RBFOX1: variants seen among roughly 807,000 people sequenced by gnomAD.
RBFOX1 encodes RNA binding protein fox-1 homolog 1.
Under a neutral mutation model 57.7 loss-of-function variants are expected in RBFOX1, and 8 were observed. The observed-to-expected ratio is 0.14, with a 90% confidence interval of 0.08 to 0.25. RBFOX1 has a LOEUF of 0.25. Among genes scored for constraint, RBFOX1 ranks in the 10% least tolerant of loss-of-function variants. The pLI is 1.00. For missense variants in RBFOX1, 611 were observed against 548.5 expected (o/e 1.11, Z -1.14); for synonymous variants, 326 against 222.4 (o/e 1.47, Z -4.15).
intron 4 of RBFOX1, among the ~76,000 whole-genome samples, chr16:7,187,840 C>T (rs1326975623): frequency 6.6e-6 from 1 of 151,026 alleles, no homozygotes; most frequent in Admixed American, 6.6e-5. Flanking sequence ...AAATTTCTGA[C>T]ATAGAAAATT....
chr16:6,756,848 A>G lies in RBFOX1; in HGVS notation c.-16+102198A>G, dbSNP rs139889625. 4.4e-4 allele frequency among the ~76,000 whole-genome samples: 67 copies of G among 151,964 alleles called. 2 individuals are homozygous for G. Among genetic ancestry groups the G allele is most frequent in the African/African-American group, 1.5e-3 (64 of 41,448 alleles). On this transcript the variant is annotated intron_variant, in intron 3 of 15. Coordinates refer to ENST00000550418, the MANE Select transcript of RBFOX1 (RefSeq NM_018723.4). ...AAATTAGCCAGGCGTGGTGGCAGAC[A>G]CCTGTAGTCACAGCTCCTTGGGAGG...
chr16:5,785,288 C>T (rs1048874095), intron 3 of RBFOX1, among the ~76,000 whole-genome samples: 5 of 152,096 alleles, frequency 3.3e-5, no homozygotes, highest in Non-Finnish European at 7.3e-5. Context: ...TGTGGCAGGA[C>T]ATTTACCAAA....
At chr16:6,382,848 A>G (rs2091939133) in intron 2 of RBFOX1, among the ~76,000 whole-genome samples, 1 of 152,210 alleles carries the variant, frequency 6.6e-6, no homozygotes, top group Non-Finnish European at 1.5e-5. Context: ...CAACAGAGTG[A>G]GACTCTGTCT....
chr16:6,206,988 T>A (rs1171235955), intron 1 of RBFOX1, among the ~76,000 whole-genome samples: 1 of 151,368 alleles, frequency 6.6e-6, no homozygotes, highest in Non-Finnish European at 1.5e-5. Context: ...GAAAGCTACT[T>A]TTTTTTTTTT....
intron 2 of RBFOX1, among the ~76,000 whole-genome samples, chr16:6,579,874 C>T (rs968410984): frequency 4.5e-4 from 69 of 152,278 alleles, no homozygotes; most frequent in African/African-American, 1.6e-3. Flanking sequence ...GTGTGAGCCA[C>T]TGCCGCCAGC....
chr16:7,241,018 C>A (rs946694544), intron 4 of RBFOX1, among the ~76,000 whole-genome samples: 1 of 152,186 alleles, frequency 6.6e-6, no homozygotes, highest in African/African-American at 2.4e-5. Flanking sequence ...AATATCTGTT[C>A]TGGCTATCGT....
chr16:7,418,408 G>A lies in RBFOX1; in HGVS notation c.28-99739G>A, dbSNP rs551414038. On this transcript the variant is annotated intron_variant, in intron 4 of 15. Transcript: ENST00000550418. ...ACTTGCCCATGTCCCATGGTGTCCA[G>A]GAGACTTTTCATTAAATGAGGTGAC... 9.2e-5 allele frequency among the ~76,000 whole-genome samples: 14 copies of A among 152,326 alleles called. No individual in the cohort carries two copies. The East Asian group carries it at 2.7e-3, about 29-fold the overall frequency.
intron 4 of RBFOX1, among the ~76,000 whole-genome samples, chr16:7,448,431 C>A (rs189968065): frequency 2.0e-5 from 3 of 152,088 alleles, no homozygotes; most frequent in Non-Finnish European, 4.4e-5. Flanking sequence ...TGCAAAGACA[C>A]GTTTTACATG....
chr16:5,983,159 C>G (rs1391228581), intron 4 of RBFOX1, among the ~76,000 whole-genome samples: 1 of 152,214 alleles, frequency 6.6e-6, no homozygotes, highest in African/African-American at 2.4e-5. Flanking sequence ...TCCCTGCCCC[C>G]CATTACCCCA....
chr16:5,965,162 C>G (rs1312581545), intron 4 of RBFOX1, among the ~76,000 whole-genome samples: 1 of 152,138 alleles, frequency 6.6e-6, no homozygotes, highest in Non-Finnish European at 1.5e-5. Context: ...ATGCTAGCCA[C>G]TCTGTTTATA....
intron 1 of RBFOX1, among the ~76,000 whole-genome samples, chr16:5,370,219 C>T (rs1337351036): frequency 1.3e-5 from 2 of 152,150 alleles, no homozygotes; most frequent in Non-Finnish European, 2.9e-5. Context: ...TTCTGCAGAA[C>T]CCAATGGTGG....
At chr16:7,618,846 T>C (rs116177504) in intron 10 of RBFOX1, among the ~76,000 whole-genome samples, 228 of 152,314 alleles carry the variant, frequency 1.5e-3, no homozygotes, top group African/African-American at 5.2e-3. Context: ...AGTTAATGCA[T>C]TTCTAGAACT....
At chr16:6,096,361 A>C (rs995389739) in intron 1 of RBFOX1, among the ~76,000 whole-genome samples, 7 of 152,158 alleles carry the variant, frequency 4.6e-5, no homozygotes, top group Non-Finnish European at 1.0e-4. Flanking sequence ...ATTATTTAGG[A>C]CCATGTGCAC....
chr16:7,091,734 C>T (rs1016705090), intron 4 of RBFOX1, among the ~76,000 whole-genome samples: 6 of 152,176 alleles, frequency 3.9e-5, no homozygotes, highest in Non-Finnish European at 7.3e-5. Flanking sequence ...GGAGCCTCCT[C>T]TGAATTCTGC....
In RBFOX1 at chr16:6,633,746, T is replaced by C. The variant is rs75973571; in HGVS notation, c.-63-20857T>C. Among the ~76,000 whole-genome samples, 633 of 152,308 alleles carry C rather than the reference T, an allele frequency of 4.2e-3. 7 individuals are homozygous for C. Among genetic ancestry groups the C allele is most frequent in the African/African-American group, 0.014 (584 of 41,576 alleles). On this transcript the variant is annotated intron_variant, in intron 2 of 15. Coordinates refer to ENST00000550418, the MANE Select transcript of RBFOX1 (RefSeq NM_018723.4). Reference sequence around the variant, plus strand: ...GGCTCTAGCCAGGCGCTGTAGCTCATGCCTGTAATCCTTAGGCTTTGGGAG... The same window carrying C: ...GGCTCTAGCCAGGCGCTGTAGCTCACGCCTGTAATCCTTAGGCTTTGGGAG...
intron 3 of RBFOX1, among the ~76,000 whole-genome samples, chr16:6,657,100 C>G (rs1603074857): frequency 8.2e-6 from 1 of 122,200 alleles, no homozygotes; most frequent in Non-Finnish European, 1.7e-5. Context: ...CCCCTTTACT[C>G]TCCTCTCCTC....
chr16:6,387,305 C>G (rs1379945577), intron 2 of RBFOX1, among the ~76,000 whole-genome samples: 2 of 152,038 alleles, frequency 1.3e-5, no homozygotes, highest in Non-Finnish European at 1.5e-5. Context: ...GCATTTCTCC[C>G]CATTGCTATT....
At chr16:7,096,857 G>A (rs888483054) in intron 4 of RBFOX1, among the ~76,000 whole-genome samples, 7 of 150,698 alleles carry the variant, frequency 4.6e-5, no homozygotes, top group Middle Eastern at 3.2e-3. Flanking sequence ...ACTTGAACCC[G>A]GGAGGCGGAG....
intron 4 of RBFOX1, among the ~76,000 whole-genome samples, chr16:5,867,619 C>G (rs761830047): frequency 1.3e-5 from 2 of 152,164 alleles, no homozygotes; most frequent in Non-Finnish European, 2.9e-5. Flanking sequence ...AGACAAAGCC[C>G]TGGCTCTGCC....
Sources: gnomAD v4.1 joint callset for allele counts (sites outside exome capture counted in the v4.1 genomes callset) on GRCh38, gnomAD v4.1.1 for gene constraint, MANE v1.5 for transcripts, NCBI Gene and HGNC (gene_info 2026-07-23, HGNC 2026-07-21) for gene names.